KCNH8: variants seen among roughly 807,000 people sequenced by gnomAD.
KCNH8 encodes potassium voltage-gated channel subfamily H member 8, also known as voltage-gated delayed rectifier potassium channel KCNH8.
KCNH8 carries 70 observed loss-of-function variants against 103.6 expected under a neutral mutation model. The ratio of observed to expected loss-of-function variants is 0.68; its 90% CI spans 0.56 to 0.82. The LOEUF is 0.82. KCNH8 is among the 40% of genes least tolerant of loss of function. KCNH8 has a pLI of 0.00. For missense variants in KCNH8, 1,217 were observed against 1,329.9 expected (o/e 0.92, Z 1.32); for synonymous variants, 498 against 489.4 (o/e 1.02, Z -0.23).
intron 15 of KCNH8, among the ~76,000 whole-genome samples, chr3:19,525,480 A>T (rs1216230412): frequency 6.6e-6 from 1 of 151,918 alleles, no homozygotes; most frequent in Non-Finnish European, 1.5e-5. Flanking sequence ...AGCAGTAAAG[A>T]TCCCTTAGCC....
Position 19,371,897 on chromosome 3 carries a change from G to C in KCNH8, c.812-18584G>C, listed in dbSNP as rs2066102455. ...CTTTCCCCATTGCTTGTTTTTCTCA[G>C]GTTTGTCAAAGATCAGATAGTTGTA... On this transcript the variant is annotated intron_variant, in intron 5 of 15. Coordinates refer to ENST00000328405, the MANE Select transcript of KCNH8 (RefSeq NM_144633.3). Among the ~76,000 whole-genome samples, 9 of 150,244 alleles carry C rather than the reference G, an allele frequency of 6.0e-5. No individual in the cohort carries two copies. In the South Asian group the frequency reaches 1.9e-3, roughly 32 times the overall value.
In KCNH8 at chr3:19,318,157, T is replaced by A. The variant is rs553665891; in HGVS notation, c.443-24430T>A. The stretch of plus-strand genomic sequence containing the variant: ...AGGATACAAAACAAATGTGCAAAAG[T>A]TGCTAGCATTCCTGTACACCAACAA... On this transcript the variant is annotated intron_variant, in intron 3 of 15. Coordinates refer to ENST00000328405, the MANE Select transcript of KCNH8 (RefSeq NM_144633.3). 2.1e-4 allele frequency among the ~76,000 whole-genome samples: 32 copies of A among 152,024 alleles called. 1 individual carries two copies. Among genetic ancestry groups the A allele is most frequent in the African/African-American group, 7.7e-4 (32 of 41,500 alleles).
At chr3:19,474,607 A>C (rs1365828188) in intron 11 of KCNH8, among the ~76,000 whole-genome samples, 1 of 152,220 alleles carries the variant, frequency 6.6e-6, no homozygotes, top group Non-Finnish European at 1.5e-5. Context: ...CTGTCAAATG[A>C]ATTGGGATTC....
intron 5 of KCNH8, among the ~76,000 whole-genome samples, chr3:19,356,475 C>G (rs1415115694): frequency 6.6e-6 from 1 of 152,000 alleles, no homozygotes; most frequent in African/African-American, 2.4e-5. Flanking sequence ...AGGCTGTACT[C>G]TTACTCTTAA....
rs1319364993 is a variant in KCNH8, at chr3:19,148,603, A to G, written c.-117A>G. ...ACTTCCCCTGCTCGGCCCCGCCGTCAGGCCGGGTCCCCCTTCCCTGCCGTC... is the reference window on the plus strand; with the variant it reads ...ACTTCCCCTGCTCGGCCCCGCCGTCGGGCCGGGTCCCCCTTCCCTGCCGTC... On this transcript the variant is annotated 5_prime_UTR_variant, in exon 1 of 16. Transcript: ENST00000328405. The G allele has an allele frequency of 3.1e-6, 3 of 962,686 alleles. No homozygotes were observed. The highest frequency in any genetic ancestry group is 1.6e-5 in the African/African-American group (1 of 62,742). The allele number at this position is 962,686 out of a possible 1,614,324, so 59.6% of individuals were successfully genotyped here. A position where few individuals can be genotyped will look rare whatever the true frequency, so the allele number is the denominator to read the frequency against.
At chr3:19,231,672 C>T (rs1248877063) in intron 1 of KCNH8, among the ~76,000 whole-genome samples, 1 of 152,108 alleles carries the variant, frequency 6.6e-6, no homozygotes, top group Non-Finnish European at 1.5e-5. Flanking sequence ...TGTTGCATGG[C>T]TTCCTTTCTA....
intron 1 of KCNH8, 118 bp from the exon 2 acceptor site, chr3:19,253,535 CA>C (rs2064305686): frequency 3.9e-6 from 3 of 769,788 alleles, no homozygotes; most frequent in Non-Finnish European, 6.6e-6. Flanking sequence ...CACTGCAGCA[CA>C]TCAGAATGTG....
chr3:19,370,709 C>T (rs1172747620), intron 5 of KCNH8, among the ~76,000 whole-genome samples: 6 of 152,022 alleles, frequency 3.9e-5, no homozygotes, highest in African/African-American at 1.4e-4. Context: ...ACTGCACCCA[C>T]TAACTCATCA....
At chr3:19,457,004 T>G in intron 11 of KCNH8, 22 bp downstream of exon 11, 1 of 1,488,786 alleles carries the variant, frequency 6.7e-7, no homozygotes, top group Non-Finnish European at 9.4e-7. Flanking sequence ...TTCTAATTAG[T>G]GCTAAGACCT....
chr3:19,235,986 C>G (rs749145690), intron 1 of KCNH8, among the ~76,000 whole-genome samples: 1 of 152,170 alleles, frequency 6.6e-6, no homozygotes, highest in Non-Finnish European at 1.5e-5. Flanking sequence ...TACATAATGT[C>G]ATCGAATAAA....
chr3:19,214,898 G>A (rs2063804072), intron 1 of KCNH8, among the ~76,000 whole-genome samples: 1 of 152,200 alleles, frequency 6.6e-6, no homozygotes, highest in Admixed American at 6.5e-5. Context: ...TCCATGCTGA[G>A]CCACCTTGGC....
At chr3:19,529,301 G>A (rs563401081) in intron 15 of KCNH8, among the ~76,000 whole-genome samples, 4 of 152,120 alleles carry the variant, frequency 2.6e-5, no homozygotes, top group African/African-American at 7.2e-5. Context: ...TTTAATTGAC[G>A]TATCTCTTTG....
intron 7 of KCNH8, among the ~76,000 whole-genome samples, chr3:19,399,415 T>C (rs2066575101): frequency 6.6e-6 from 1 of 152,004 alleles, no homozygotes. Context: ...ATCAATGATA[T>C]TGAATTAGTC....
chr3:19,252,122 CCCA>C (rs1332571335), intron 1 of KCNH8, among the ~76,000 whole-genome samples: 1 of 152,040 alleles, frequency 6.6e-6, no homozygotes, highest in Non-Finnish European at 1.5e-5. Context: ...CTAAAAGTCA[CCCA>C]CCAACACATT....
At chr3:19,329,442 C>T (rs1187337050) in intron 3 of KCNH8, among the ~76,000 whole-genome samples, 1 of 152,124 alleles carries the variant, frequency 6.6e-6, no homozygotes, top group Non-Finnish European at 1.5e-5. Flanking sequence ...ACAATAAGAA[C>T]AATAGGTAAA....
At chr3:19,496,633 G>C (rs962115519) in intron 11 of KCNH8, among the ~76,000 whole-genome samples, 9 of 152,098 alleles carry the variant, frequency 5.9e-5, no homozygotes, top group Non-Finnish European at 1.0e-4. Context: ...GTTCATCAAG[G>C]ATATTGACCT....
At chr3:19,497,521 T>G (rs1027492687) in intron 11 of KCNH8, among the ~76,000 whole-genome samples, 1 of 152,202 alleles carries the variant, frequency 6.6e-6, no homozygotes, top group Non-Finnish European at 1.5e-5. Context: ...CAGGAGCAGG[T>G]TGTTTAATTT....
intron 3 of KCNH8, among the ~76,000 whole-genome samples, chr3:19,282,690 C>T (rs531687259): frequency 2.6e-5 from 4 of 152,132 alleles, no homozygotes; most frequent in East Asian, 3.9e-4. Context: ...TTATCTTTGT[C>T]TCATGTTCCT....
At chr3:19,456,539 T>C (rs1341234963) in intron 10 of KCNH8, among the ~76,000 whole-genome samples, 1 of 152,010 alleles carries the variant, frequency 6.6e-6, no homozygotes, top group African/African-American at 2.4e-5. Context: ...TTAAAATTTG[T>C]TAGTTGTTGG....
Sources: allele counts gnomAD v4.1 joint callset (sites outside exome capture counted in the v4.1 genomes callset), GRCh38; gene constraint gnomAD v4.1.1; transcripts MANE v1.5; gene names NCBI Gene and HGNC (gene_info 2026-07-23, HGNC 2026-07-21).